The following DENND2B variants were observed in gnomAD, a reference collection of about 807,000 sequenced individuals.
DENND2B encodes DENN domain-containing protein 2B.
In DENND2B, 32 loss-of-function variants were observed where a neutral mutation model predicts 116.0. That is an observed-to-expected ratio of 0.28 (90% CI 0.21 to 0.37). The LOEUF (loss-of-function observed/expected upper bound fraction) is 0.37, where lower values mean the gene tolerates loss of function less well. DENND2B is among the 10% of genes least tolerant of loss of function. The pLI is 1.00. For missense variants in DENND2B, 1,276 were observed against 1,477.7 expected (o/e 0.86, Z 2.24); for synonymous variants, 588 against 583.9 (o/e 1.01, Z -0.10).
At chr11:8,725,712 A>C (rs1291071532) in intron 4 of DENND2B, among the ~76,000 whole-genome samples, 1 of 152,214 alleles carries the variant, frequency 6.6e-6, no homozygotes, top group Non-Finnish European at 1.5e-5. Context: ...ATCATGTTAT[A>C]AGAGAAAAAC....
At chr11:8,704,694 A>G (rs1417986727) in intron 13 of DENND2B, among the ~76,000 whole-genome samples, 1 of 152,074 alleles carries the variant, frequency 6.6e-6, no homozygotes, top group Non-Finnish European at 1.5e-5. Flanking sequence ...GACCTTTTCT[A>G]TTTTGACATA....
At chr11:8,714,579 C>G (rs1336696146) in intron 7 of DENND2B, 31 bp downstream of exon 7, 2 of 1,594,466 alleles carry the variant, frequency 1.3e-6, no homozygotes, top group Non-Finnish European at 8.6e-7. Context: ...GGGCCCCAAA[C>G]AGCTGAACCA....
chr11:8,709,786 CT>C (rs2043272699), intron 11 of DENND2B, among the ~76,000 whole-genome samples: 1 of 152,154 alleles, frequency 6.6e-6, no homozygotes, highest in South Asian at 2.1e-4. Flanking sequence ...TGATCATTTT[CT>C]TTTAAAAGAC....
intron 3 of DENND2B, among the ~76,000 whole-genome samples, chr11:8,849,602 T>C (rs187155087): frequency 1.3e-5 from 2 of 149,972 alleles, no homozygotes; most frequent in Non-Finnish European, 2.9e-5. Flanking sequence ...GGTGGGCAGA[T>C]CACTTGAGGT....
At chr11:8,843,617 C>A (rs117616149) in intron 3 of DENND2B, among the ~76,000 whole-genome samples, 3,060 of 152,292 alleles carry the variant, frequency 0.02, 37 homozygotes, top group Middle Eastern at 0.034. Flanking sequence ...CTCCACAGAT[C>A]TCCAGCCCCA....
chr11:8,768,792 C>A (rs1031145588), intron 1 of DENND2B: 6 of 152,580 alleles, frequency 3.9e-5, no homozygotes, highest in Admixed American at 3.9e-4. Context: ...CAAGTCACAG[C>A]TGACTCATGC....
chr11:8,694,798 G>A (rs749397385), intron 19 of DENND2B: 5 of 338,142 alleles, frequency 1.5e-5, no homozygotes, highest in Non-Finnish European at 2.9e-5. Flanking sequence ...GGTGGCTAAC[G>A]CCTATAATCC....
chr11:8,773,824 GTCTATGGGAACTC>G (rs1288800781), intron 1 of DENND2B, among the ~76,000 whole-genome samples: 1 of 152,118 alleles, frequency 6.6e-6, no homozygotes, highest in Non-Finnish European at 1.5e-5. Context: ...GGCTTGCAGG[GTCTATGGGAACTC>G]TCTGTCTCTC....
chr11:8,782,748 G>GT (rs1426755494), intron 1 of DENND2B, among the ~76,000 whole-genome samples: 1 of 151,806 alleles, frequency 6.6e-6, no homozygotes, highest in Admixed American at 6.6e-5. Context: ...TTAGGCGGGC[G>GT]TGGGGGTGGG....
chr11:8,849,768 A>C (rs1315231409), intron 3 of DENND2B, among the ~76,000 whole-genome samples: 2 of 150,434 alleles, frequency 1.3e-5, no homozygotes, highest in Non-Finnish European at 3.0e-5. Flanking sequence ...GGTTGCAGTG[A>C]GCTGAGATCG....
intron 13 of DENND2B, among the ~76,000 whole-genome samples, chr11:8,705,777 G>A (rs898503024): frequency 6.6e-6 from 1 of 152,216 alleles, no homozygotes; most frequent in African/African-American, 2.4e-5. Context: ...CCAATCAAAC[G>A]CAAAGTGCTA....
chr11:8,789,295 T>G (rs1467087499), intron 1 of DENND2B, among the ~76,000 whole-genome samples: 1 of 152,242 alleles, frequency 6.6e-6, no homozygotes, highest in Non-Finnish European at 1.5e-5. Context: ...ACAGCAGTAG[T>G]CATCTATTCT....
Position 8,693,814 on chromosome 11 carries a change from C to T in DENND2B, c.*282G>A, listed in dbSNP as rs1185707537. The T allele has an allele frequency of 2.9e-6, 1 of 348,862 alleles. No homozygotes were observed. Among genetic ancestry groups the T allele is most frequent in the Non-Finnish European group, 5.2e-6 (1 of 191,376 alleles). The allele number at this position is 348,862 out of a possible 1,614,324, so 21.6% of individuals were successfully genotyped here. A position where few individuals can be genotyped will look rare whatever the true frequency, so the allele number is the denominator to read the frequency against. Reference sequence around the variant, plus strand: ...GGCCAGTCACGAGCACCCAGCGAAACTTCATCCATGCTCTGGCAGGACAGG... The same window carrying T: ...GGCCAGTCACGAGCACCCAGCGAAATTTCATCCATGCTCTGGCAGGACAGG... On this transcript the variant is annotated 3_prime_UTR_variant, in exon 20 of 20. Transcript: ENST00000313726.
intron 4 of DENND2B, among the ~76,000 whole-genome samples, chr11:8,836,401 C>T (rs984930011): frequency 2.1e-5 from 3 of 145,512 alleles, no homozygotes; most frequent in African/African-American, 7.5e-5. Flanking sequence ...AGACAAGCAT[C>T]CTTCTGTACT....
At chr11:8,873,614 C>T (rs150711856), upstream of DENND2B, among the ~76,000 whole-genome samples, 843 of 152,246 alleles carry the variant, frequency 5.5e-3, 5 homozygotes, top group Middle Eastern at 0.017. Context: ...TTTGCGTTAA[C>T]GTAATGTTCA....
At chr11:8,825,449 G>A (rs1410949186) in intron 4 of DENND2B, among the ~76,000 whole-genome samples, 1 of 151,870 alleles carries the variant, frequency 6.6e-6, no homozygotes, top group African/African-American at 2.4e-5. Context: ...GACTCAGTGT[G>A]CTGTTGAATT....
chr11:8,886,661 C>T lies in DENND2B; in HGVS notation c.-255-5552G>A, dbSNP rs575519893. 3.8e-4 allele frequency among the ~76,000 whole-genome samples: 57 copies of T among 151,448 alleles called. 1 individual carries two copies. The highest frequency in any genetic ancestry group is 3.4e-3 in the Middle Eastern group (1 of 290). ...ACCGAGAAATTTTAGATGATAGTAC[C>T]TGTAGGATTTATGACAATTAAATCA... On this transcript the variant is annotated intron_variant, in intron 1 of 22. Transcript: ENST00000534127.
chr11:8,906,365 A>T lies in DENND2B; in HGVS notation c.-256+4456T>A, dbSNP rs181875379. Among the ~76,000 whole-genome samples, 31 of 151,538 alleles carry T rather than the reference A, an allele frequency of 2.0e-4. 1 individual carries two copies. The highest frequency in any genetic ancestry group is 7.0e-4 in the African/African-American group (29 of 41,310). ...CAGGCTCCTGCCACCACGCCCAGCT[A>T]ATTTTTTGTATTTTTAATAGAGATG... On this transcript the variant is annotated intron_variant, in intron 1 of 22. Coordinates refer to the DENND2B transcript ENST00000534127.
intron 2 of DENND2B, among the ~76,000 whole-genome samples, chr11:8,747,831 C>T (rs960884867): frequency 5.9e-5 from 9 of 152,166 alleles, no homozygotes. Context: ...CAAGACTAAG[C>T]TGCAAAGGAA....
Sources: allele counts gnomAD v4.1 joint callset (sites outside exome capture counted in the v4.1 genomes callset), GRCh38; gene constraint gnomAD v4.1.1; transcripts MANE v1.5; gene names NCBI Gene and HGNC (gene_info 2026-07-23, HGNC 2026-07-21).